Variants in RPS6KC1 observed in about 807,000 individuals in gnomAD.
The protein encoded by RPS6KC1 is inactive ribosomal protein S6 kinase delta-1.
In RPS6KC1, 54 loss-of-function variants were observed where a neutral mutation model predicts 103.8. That is an observed-to-expected ratio of 0.52 (90% CI 0.42 to 0.65). The LOEUF (loss-of-function observed/expected upper bound fraction) is 0.65. RPS6KC1 is among the 30% of genes least tolerant of loss of function. The pLI is 0.00. For synonymous variants in RPS6KC1, 439 were observed against 438.7 expected (o/e 1.00, Z -0.01); for missense variants, 1,151 against 1,253.8 (o/e 0.92, Z 1.24).
intron 12 of RPS6KC1, among the ~76,000 whole-genome samples, chr1:213,245,722 G>A (rs949702231): frequency 2.0e-5 from 3 of 151,980 alleles, no homozygotes. Flanking sequence ...TAGCAGGGGG[G>A]CCATTATTCT....
intron 6 of RPS6KC1, among the ~76,000 whole-genome samples, chr1:213,148,207 C>G (rs1431941522): frequency 6.6e-6 from 1 of 152,020 alleles, no homozygotes; most frequent in Non-Finnish European, 1.5e-5. Flanking sequence ...CTGATTGCTT[C>G]TAGTACTGTG....
chr1:213,773,228 A>AG, the RPS6KC1 span, among the ~76,000 whole-genome samples: 1 of 61,684 alleles, frequency 1.6e-5, no homozygotes, highest in Non-Finnish European at 4.2e-5. Flanking sequence ...GTCTCTTTCA[A>AG]GGGGAATCTT....
chr1:213,235,163 T>C (rs1000104590), intron 10 of RPS6KC1, among the ~76,000 whole-genome samples: 1 of 152,244 alleles, frequency 6.6e-6, no homozygotes, highest in African/African-American at 2.4e-5. Context: ...TACTTACGAT[T>C]TGTGGCTTTA....
chr1:213,668,442 G>A, the RPS6KC1 span, among the ~76,000 whole-genome samples: 4 of 126,322 alleles, frequency 3.2e-5, no homozygotes, highest in South Asian at 7.4e-4. Flanking sequence ...TCTTAATAGT[G>A]TGCTTAAAAT....
the RPS6KC1 span, among the ~76,000 whole-genome samples, chr1:213,530,734 C>A: frequency 3.3e-5 from 5 of 152,206 alleles, no homozygotes; most frequent in Admixed American, 6.5e-5. Context: ...CGTCATGTTT[C>A]CCCAGATCTG....
chr1:213,664,660 C>T, the RPS6KC1 span, among the ~76,000 whole-genome samples: 1 of 152,096 alleles, frequency 6.6e-6, no homozygotes, highest in Non-Finnish European at 1.5e-5. Context: ...GGTTGCTGTC[C>T]AGCCAATGGG....
chr1:213,778,257 C>T, the RPS6KC1 span, among the ~76,000 whole-genome samples: 2 of 152,144 alleles, frequency 1.3e-5, no homozygotes, highest in African/African-American at 4.8e-5. Context: ...TTGATCTGTC[C>T]ACTTCCCGGG....
chr1:213,298,238 G>C, the RPS6KC1 span, among the ~76,000 whole-genome samples: 1 of 152,318 alleles, frequency 6.6e-6, no homozygotes, highest in African/African-American at 2.4e-5. Flanking sequence ...ACATTTTTGC[G>C]TGTATCTTTT....
At chr1:213,521,127 G>A in the RPS6KC1 span, among the ~76,000 whole-genome samples, 2 of 151,962 alleles carry the variant, frequency 1.3e-5, no homozygotes, top group Admixed American at 6.6e-5. Context: ...GTGCATGTAA[G>A]TCTACCTTAT....
the RPS6KC1 span, among the ~76,000 whole-genome samples, chr1:213,342,206 C>G: frequency 6.6e-6 from 1 of 152,090 alleles, no homozygotes; most frequent in African/African-American, 2.4e-5. Context: ...CAAAGACGTT[C>G]AAAAGGGAAG....
chr1:213,572,172 G>T, the RPS6KC1 span, among the ~76,000 whole-genome samples: 4 of 152,358 alleles, frequency 2.6e-5, no homozygotes, highest in East Asian at 7.7e-4. Flanking sequence ...AGACATAGCT[G>T]CCTGCTTCAG....
the RPS6KC1 span, among the ~76,000 whole-genome samples, chr1:213,597,586 C>T: frequency 5.3e-5 from 8 of 152,156 alleles, no homozygotes; most frequent in Admixed American, 4.6e-4. Flanking sequence ...GGCAGATATT[C>T]CTTGGGAAAG....
chr1:213,107,378 T>C (rs1242563888), intron 4 of RPS6KC1, among the ~76,000 whole-genome samples: 1 of 152,186 alleles, frequency 6.6e-6, no homozygotes, highest in Non-Finnish European at 1.5e-5. Flanking sequence ...TTCAAATACA[T>C]GGAATTACAC....
chr1:213,329,733 T>A, the RPS6KC1 span, among the ~76,000 whole-genome samples: 1 of 152,178 alleles, frequency 6.6e-6, no homozygotes, highest in African/African-American at 2.4e-5. Flanking sequence ...TTTTGTTTGT[T>A]TGTTTGTTTT....
chr1:213,073,622 C>CT (rs1277316362), intron 2 of RPS6KC1, among the ~76,000 whole-genome samples: 1 of 152,052 alleles, frequency 6.6e-6, no homozygotes, highest in Non-Finnish European at 1.5e-5. Flanking sequence ...TCAGAAATCT[C>CT]TAACTTTTAA....
chr1:213,425,009 T>C, the RPS6KC1 span, among the ~76,000 whole-genome samples: 1 of 151,880 alleles, frequency 6.6e-6, no homozygotes, highest in African/African-American at 2.4e-5. Flanking sequence ...TGCCCCAAGC[T>C]CACATCGCTG....
intron 8 of RPS6KC1, among the ~76,000 whole-genome samples, chr1:213,190,143 G>A (rs1484519550): frequency 1.3e-5 from 2 of 152,104 alleles, no homozygotes; most frequent in Non-Finnish European, 2.9e-5. Context: ...TTGATTTATT[G>A]ATTTCCTTTC....
intron 5 of RPS6KC1, among the ~76,000 whole-genome samples, chr1:213,118,041 C>CAAAAAAAAAAAAAAAAAAAA (rs1377302333): frequency 2.5e-5 from 1 of 39,682 alleles, no homozygotes; most frequent in African/African-American, 1.7e-4. Context: ...AAAAAAAAAG[C>CAAAAAAAAAAAAAAAAAAAA]CTTACTCATT....
At chr1:213,242,454 G>A (rs2094378186) in intron 11 of RPS6KC1, 115 bp from the exon 12 acceptor site, 1 of 1,096,936 alleles carries the variant, frequency 9.1e-7, no homozygotes, top group Middle Eastern at 2.0e-4. Flanking sequence ...AGTACTTAAT[G>A]ATGCCATTAT....
Sources: gnomAD v4.1 joint callset for allele counts (sites outside exome capture counted in the v4.1 genomes callset) on GRCh38, gnomAD v4.1.1 for gene constraint, MANE v1.5 for transcripts, NCBI Gene and HGNC (gene_info 2026-07-23, HGNC 2026-07-21) for gene names.